Variants in PDE4D observed in about 807,000 individuals in gnomAD.
The protein encoded by PDE4D is 3',5'-cyclic-AMP phosphodiesterase 4D.
A neutral mutation model predicts 87.4 loss-of-function variants in PDE4D; 24 were observed. The ratio of observed to expected loss-of-function variants is 0.27; its 90% CI spans 0.20 to 0.39. PDE4D has a LOEUF of 0.39. PDE4D is among the 10% of genes least tolerant of loss of function. The probability of loss-of-function intolerance (pLI) is 1.00; values close to 1 mark genes in which losing one functional copy is unlikely to be tolerated. For missense variants in PDE4D, 714 were observed against 1,041.0 expected, an observed-to-expected ratio of 0.69 and a Z score of 4.32; for synonymous variants, 384 against 383.2, an observed-to-expected ratio of 1.00 and a Z score of -0.02.
intron 2 of PDE4D, among the ~76,000 whole-genome samples, chr5:60,156,078 C>T (rs1718511334): frequency 1.3e-5 from 2 of 152,160 alleles, no homozygotes; most frequent in South Asian, 4.1e-4. Context: ...AGGGTACAGT[C>T]CTCAGAGTTA....
intron 1 of PDE4D, among the ~76,000 whole-genome samples, chr5:60,350,134 C>A (rs1473081365): frequency 6.6e-6 from 1 of 152,134 alleles, no homozygotes; most frequent in Non-Finnish European, 1.5e-5. Flanking sequence ...CAAAATACCA[C>A]AGGAGTTCAC....
At chr5:59,676,272 T>TA (rs1019692786) in intron 1 of PDE4D, among the ~76,000 whole-genome samples, 1 of 152,206 alleles carries the variant, frequency 6.6e-6, no homozygotes, top group African/African-American at 2.4e-5. Context: ...GTTGCATACT[T>TA]AGAGTTTTCT....
At chr5:59,484,380 T>C (rs1263201558) in intron 1 of PDE4D, among the ~76,000 whole-genome samples, 3 of 152,242 alleles carry the variant, frequency 2.0e-5, no homozygotes, top group African/African-American at 4.8e-5. Flanking sequence ...TCTTTATCTT[T>C]GCAGACTGGC....
intron 1 of PDE4D, among the ~76,000 whole-genome samples, chr5:59,843,208 A>C (rs1186220317): frequency 6.6e-6 from 1 of 152,044 alleles, no homozygotes; most frequent in African/African-American, 2.4e-5. Context: ...GCCCTATCAA[A>C]GGTCAAAATC....
chr5:60,435,701 T>C (rs1423428568), intron 1 of PDE4D, among the ~76,000 whole-genome samples: 1 of 152,090 alleles, frequency 6.6e-6, no homozygotes, highest in Non-Finnish European at 1.5e-5. Flanking sequence ...TGAATGTCTC[T>C]TGACTCTCTT....
chr5:59,522,882 T>C (rs1419258772), intron 1 of PDE4D, among the ~76,000 whole-genome samples: 1 of 152,200 alleles, frequency 6.6e-6, no homozygotes, highest in Non-Finnish European at 1.5e-5. Flanking sequence ...TTACCAAGAC[T>C]CACAAGTTGT....
At chr5:59,484,159 G>A (rs982656678) in intron 1 of PDE4D, among the ~76,000 whole-genome samples, 4 of 152,142 alleles carry the variant, frequency 2.6e-5, no homozygotes, top group Non-Finnish European at 5.9e-5. Context: ...ACATCCCTGG[G>A]GAATTCCACT....
chr5:60,134,030 C>T (rs1287558290), intron 2 of PDE4D, among the ~76,000 whole-genome samples: 1 of 152,142 alleles, frequency 6.6e-6, no homozygotes, highest in African/African-American at 2.4e-5. Flanking sequence ...AGACTTCTTG[C>T]AAGCACTTCA....
chr5:60,005,823 C>A (rs1358609219), intron 2 of PDE4D, among the ~76,000 whole-genome samples: 4 of 40,534 alleles, frequency 9.9e-5, no homozygotes, highest in Non-Finnish European at 1.4e-4. Flanking sequence ...AGATGTATGA[C>A]CCAGTTTTTT....
intron 1 of PDE4D, among the ~76,000 whole-genome samples, chr5:59,573,609 G>A (rs1023561407): frequency 6.6e-6 from 1 of 151,970 alleles, no homozygotes; most frequent in Non-Finnish European, 1.5e-5. Context: ...TTCTTCTTCT[G>A]TTATGCAGAG....
At chr5:60,047,014 G>T (rs1383728246) in intron 2 of PDE4D, among the ~76,000 whole-genome samples, 2 of 152,160 alleles carry the variant, frequency 1.3e-5, no homozygotes, top group African/African-American at 4.8e-5. Flanking sequence ...TTTTTGGTTG[G>T]TAAGCTATTA....
At chr5:60,451,750 G>A (rs757286681) in intron 1 of PDE4D, among the ~76,000 whole-genome samples, 5 of 152,034 alleles carry the variant, frequency 3.3e-5, no homozygotes, top group Non-Finnish European at 5.9e-5. Context: ...CCTCTGCTAT[G>A]CTGCCGAACT....
intron 1 of PDE4D, among the ~76,000 whole-genome samples, chr5:60,416,597 C>T (rs1407725506): frequency 1.3e-5 from 2 of 152,190 alleles, no homozygotes; most frequent in Non-Finnish European, 2.9e-5. Context: ...AAGGAGGAAA[C>T]TCCGAACACA....
chr5:60,169,901 T>G (rs1350577790), intron 2 of PDE4D, among the ~76,000 whole-genome samples: 2 of 152,050 alleles, frequency 1.3e-5, no homozygotes, highest in African/African-American at 2.4e-5. Context: ...TTACTTTTTG[T>G]GGACCTGCAA....
chr5:59,534,000 T>G (rs1296326737), intron 1 of PDE4D, among the ~76,000 whole-genome samples: 1 of 152,224 alleles, frequency 6.6e-6, no homozygotes, highest in Non-Finnish European at 1.5e-5. Context: ...AAAAAGCCTC[T>G]GCTGCAACCC....
intron 1 of PDE4D, among the ~76,000 whole-genome samples, chr5:59,506,959 T>C (rs1252511678): frequency 6.6e-6 from 1 of 152,188 alleles, no homozygotes; most frequent in African/African-American, 2.4e-5. Flanking sequence ...ATATGCATTA[T>C]ACAAAAAGAT....
At chr5:59,589,277 ATAT>A (rs1353600565) in intron 1 of PDE4D, among the ~76,000 whole-genome samples, 1 of 152,180 alleles carries the variant, frequency 6.6e-6, no homozygotes, top group Non-Finnish European at 1.5e-5. Flanking sequence ...ACTTTCTAAA[ATAT>A]TATTGTTATA....
In PDE4D at chr5:59,460,882, T is replaced by A. The variant is rs1045915646; in HGVS notation, c.456-244914A>T. Among the ~76,000 whole-genome samples, 4 of 152,150 alleles carry A rather than the reference T, an allele frequency of 2.6e-5. 1 individual carries two copies. Among genetic ancestry groups the A allele is most frequent in the Admixed American group, 2.0e-4 (3 of 15,262 alleles). On this transcript the variant is annotated intron_variant, in intron 1 of 14. Transcript: ENST00000340635. ...CAGGGTCGGGGTGGTACAAGTCTCC[T>A]CTCTTCTAGCCAACACTTGATTAGT...
At chr5:59,938,215 T>C (rs1756816611) in intron 3 of PDE4D, among the ~76,000 whole-genome samples, 1 of 152,168 alleles carries the variant, frequency 6.6e-6, no homozygotes, top group African/African-American at 2.4e-5. Context: ...TATTATTCTA[T>C]ACCATCCTTC....
Sources: allele counts gnomAD v4.1 joint callset (sites outside exome capture counted in the v4.1 genomes callset), GRCh38; gene constraint gnomAD v4.1.1; transcripts MANE v1.5; gene names NCBI Gene and HGNC (gene_info 2026-07-23, HGNC 2026-07-21).